The following DLG1 variants were observed in gnomAD, a reference collection of about 807,000 sequenced individuals.
The protein encoded by DLG1 is disks large homolog 1.
A neutral mutation model predicts 123.4 loss-of-function variants in DLG1; 42 were observed. The ratio of observed to expected loss-of-function variants is 0.34; its 90% CI spans 0.27 to 0.44. DLG1 has a LOEUF of 0.44. DLG1 is among the 20% of genes least tolerant of loss of function. The pLI, the probability that DLG1 is intolerant of heterozygous loss-of-function variation, is 1.00. For synonymous variants in DLG1, 317 were observed against 356.2 expected, an observed-to-expected ratio of 0.89 and a Z score of 1.24; for missense variants, 942 against 1,082.6, an observed-to-expected ratio of 0.87 and a Z score of 1.82.
chr3:197,213,032 C>T (rs1411599884), intron 4 of DLG1, among the ~76,000 whole-genome samples: 1 of 152,146 alleles, frequency 6.6e-6, no homozygotes, highest in Admixed American at 6.5e-5. Flanking sequence ...AATAACCATT[C>T]TTATACCTAG....
chr3:197,290,052 G>C (rs930407601), intron 3 of DLG1, among the ~76,000 whole-genome samples: 1 of 152,048 alleles, frequency 6.6e-6, no homozygotes, highest in Non-Finnish European at 1.5e-5. Flanking sequence ...TTAAGAAAGT[G>C]CTCCAAAAAA....
rs1725365534 is a variant in DLG1, at chr3:197,200,998, AG to A, written c.319-6410del. Among the ~76,000 whole-genome samples, 3 of 152,230 alleles carry A rather than the reference AG, an allele frequency of 2.0e-5. No individual in the cohort carries two copies. The South Asian group carries it at 6.2e-4, about 32-fold the overall frequency. On this transcript the variant is annotated intron_variant, in intron 4 of 24. Transcript: ENST00000667157. ...AGACTTGTCACAGCAATTAGGCAAG[AG>A]GAAAAAACAAAAGGCATCCAAATTA...
chr3:197,284,943 C>T (rs1399106232), intron 3 of DLG1, among the ~76,000 whole-genome samples: 1 of 150,576 alleles, frequency 6.6e-6, no homozygotes, highest in Non-Finnish European at 1.5e-5. Context: ...AAAGCTCTAA[C>T]ATGTACACTA....
At chr3:197,209,661 C>T (rs1730339495) in intron 4 of DLG1, among the ~76,000 whole-genome samples, 1 of 146,394 alleles carries the variant, frequency 6.8e-6, no homozygotes, top group South Asian at 2.5e-4. Flanking sequence ...GAAATCACAA[C>T]CAATCCATTC....
At chr3:197,243,656 T>C (rs1056783698) in intron 4 of DLG1, among the ~76,000 whole-genome samples, 2 of 152,294 alleles carry the variant, frequency 1.3e-5, no homozygotes, top group African/African-American at 4.8e-5. Flanking sequence ...TCCCAGACCA[T>C]TTGGCTAGTA....
chr3:197,111,750 C>T lies in DLG1; in HGVS notation c.1443+4177G>A, dbSNP rs1043488357. Among the ~76,000 whole-genome samples the T allele has an allele frequency of 5.9e-5, 9 of 152,178 alleles. No individual in the cohort carries two copies. The East Asian group carries it at 1.7e-3, about 29-fold the overall frequency. ...CAGCACCACAAGTTAGTGTCACCTG[C>T]TCTTGATTATCATGTAACTGGAATT... is the stretch of plus-strand genomic sequence containing the variant. On this transcript the variant is annotated intron_variant, in intron 13 of 24. Transcript: ENST00000667157.
Position 197,297,447 on chromosome 3 carries a change from GA to G in DLG1, c.-31-213del, listed in dbSNP as rs1778013361. 3 of 1,381,070 alleles carry G rather than the reference GA, an allele frequency of 2.2e-6. No homozygotes were observed. In the Admixed American group the frequency reaches 9.3e-5, roughly 43 times the overall value. 85.6% of individuals were successfully genotyped at this position (1,381,070 alleles called of 1,614,324 possible). ...TACCCCTCCAAATTAAGAACAGACA[GA>G]AGTCGGCTTCCAAACTCTCCTCGAA... On this transcript the variant is annotated intron_variant, in intron 1 of 24. Coordinates refer to ENST00000667157, the MANE Select transcript of DLG1 (RefSeq NM_001366207.1).
intron 4 of DLG1, among the ~76,000 whole-genome samples, chr3:197,260,730 G>C (rs112130158): frequency 1.1e-4 from 11 of 99,036 alleles, no homozygotes; most frequent in African/African-American, 4.4e-4. Context: ...CTACAGTTTG[G>C]ATACTCAAAT....
intron 5 of DLG1, among the ~76,000 whole-genome samples, chr3:197,193,266 G>A (rs938171739): frequency 6.6e-6 from 1 of 151,966 alleles, no homozygotes; most frequent in Non-Finnish European, 1.5e-5. Context: ...GAAACCTAAA[G>A]GACCAATAAA....
At chr3:197,165,327 G>T (rs1368853221) in intron 5 of DLG1, among the ~76,000 whole-genome samples, 3 of 152,146 alleles carry the variant, frequency 2.0e-5, no homozygotes, top group African/African-American at 4.8e-5. Context: ...CTGTTACCTG[G>T]ATTTATTATT....
rs2148885420 is a variant in DLG1, at chr3:197,065,864, ATTT to A, written c.2099-58_2099-56del. The A allele has an allele frequency of 5.1e-6, 6 of 1,168,686 alleles. No individual in the cohort carries two copies. The South Asian group carries it at 8.2e-5, about 16-fold the overall frequency. The allele number at this position is 1,168,686 out of a possible 1,614,324, so 72.4% of individuals were successfully genotyped here. A position where few individuals can be genotyped will look rare whatever the true frequency, so the allele number is the denominator to read the frequency against. ...ATAAACATTCAACAAATATCAATGT[ATTT>A]TATTTCACCAGCGAACAAAAATATC... On this transcript the variant is annotated intron_variant, in intron 20 of 24. Coordinates refer to ENST00000667157, the MANE Select transcript of DLG1 (RefSeq NM_001366207.1).
chr3:197,246,293 G>A (rs976207444), intron 4 of DLG1, among the ~76,000 whole-genome samples: 4 of 152,084 alleles, frequency 2.6e-5, no homozygotes, highest in African/African-American at 9.7e-5. Context: ...ACCTCTGTGC[G>A]ATAATTAACT....
chr3:197,127,473 T>A (rs1363933021), intron 11 of DLG1, among the ~76,000 whole-genome samples: 9 of 89,874 alleles, frequency 1.0e-4, no homozygotes, highest in Non-Finnish European at 1.5e-4. Context: ...TATATATATA[T>A]ATATATATAT....
intron 4 of DLG1, among the ~76,000 whole-genome samples, chr3:197,282,139 T>C (rs1335839693): frequency 6.6e-6 from 1 of 152,182 alleles, no homozygotes; most frequent in Non-Finnish European, 1.5e-5. Context: ...CACAAAAAAG[T>C]ATATTACTAA....
At chr3:197,250,443 C>T (rs1753809847) in intron 4 of DLG1, among the ~76,000 whole-genome samples, 1 of 151,894 alleles carries the variant, frequency 6.6e-6, no homozygotes, top group South Asian at 2.1e-4. Flanking sequence ...ATGGTGGGCA[C>T]CTGTAATCCC....
At chr3:197,138,200 C>A in intron 9 of DLG1, 22 bp downstream of exon 9, 1 of 1,431,030 alleles carries the variant, frequency 7.0e-7, no homozygotes, top group South Asian at 1.6e-5. Context: ...AAAGATTTAT[C>A]TTAGTTTGAC....
intron 11 of DLG1, among the ~76,000 whole-genome samples, chr3:197,123,506 A>G (rs1379938193): frequency 1.3e-5 from 2 of 152,246 alleles, no homozygotes; most frequent in Non-Finnish European, 2.9e-5. Context: ...AAAATAATTA[A>G]TCATCAGGAA....
chr3:197,125,943 A>C (rs905131457), intron 11 of DLG1, among the ~76,000 whole-genome samples: 4 of 152,192 alleles, frequency 2.6e-5, no homozygotes, highest in Admixed American at 6.5e-5. Flanking sequence ...TGCAGGCTTC[A>C]GAAGAACTGA....
chr3:197,065,198 A>G (rs1284809051), intron 22 of DLG1, 78 bp downstream of exon 22: 13 of 1,350,594 alleles, frequency 9.6e-6, no homozygotes, highest in Non-Finnish European at 1.2e-5. Flanking sequence ...TTAGTGCTGT[A>G]TCTATCCTAC....
Sources: allele counts gnomAD v4.1 joint callset (sites outside exome capture counted in the v4.1 genomes callset), GRCh38; gene constraint gnomAD v4.1.1; transcripts MANE v1.5; gene names NCBI Gene and HGNC (gene_info 2026-07-23, HGNC 2026-07-21).